The following NVL variants were observed in gnomAD, a reference collection of about 807,000 sequenced individuals.
NVL encodes the protein nuclear valosin-containing protein-like.
In NVL, 84 loss-of-function variants were observed where a neutral mutation model predicts 110.2. That is an observed-to-expected ratio of 0.76 (90% CI 0.64 to 0.91). The LOEUF is 0.91. Ranked by LOEUF, NVL falls within the 40% of genes least tolerant of loss-of-function variation. The pLI is 0.00. For missense variants in NVL, 882 were observed against 1,035.9 expected, an observed-to-expected ratio of 0.85 and a Z score of 2.04; for synonymous variants, 354 against 361.1, an observed-to-expected ratio of 0.98 and a Z score of 0.22.
chr1:224,302,866 T>G (rs1209542188), intron 9 of NVL: 10 of 285,474 alleles, frequency 3.5e-5, no homozygotes. Context: ...CCAGGCAACA[T>G]AGTGGGCTTC....
At chr1:224,254,506 C>T (rs1448023826) in intron 18 of NVL, among the ~76,000 whole-genome samples, 12 of 150,796 alleles carry the variant, frequency 8.0e-5, no homozygotes, top group Admixed American at 4.0e-4. Context: ...GATTCTCCTG[C>T]GTCAGCCTCC....
At chr1:224,258,245 AAAG>A (rs1197408081) in intron 18 of NVL, among the ~76,000 whole-genome samples, 5 of 152,206 alleles carry the variant, frequency 3.3e-5, no homozygotes, top group African/African-American at 1.2e-4. Flanking sequence ...ACATATCTCC[AAAG>A]AAGACATACA....
In NVL at chr1:224,305,150, G is replaced by C. The variant is rs1471505454; in HGVS notation, c.632C>G (p.Ser211Cys). 2.5e-6 allele frequency: 4 copies of C among 1,607,078 alleles called. 1 individual carries two copies. In the South Asian group the frequency reaches 4.5e-5, roughly 18 times the overall value. Reference sequence around the variant, plus strand: ...CCGTTTCATATCACTCTCCAAAAGAGAAGAATCTTTTGAATCCTGGAAAGA... The same window carrying C: ...CCGTTTCATATCACTCTCCAAAAGACAAGAATCTTTTGAATCCTGGAAAGA... ...ITEIQDSKDS[S>C]LLESDMKRKG... The change falls in exon 7 of 23, where the codon TCT becomes TGT. Residue 211 changes from serine to cysteine, a missense_variant. Physicochemically the swap from Ser to Cys is moderately radical, Grantham distance 112 (BLOSUM62 -1). This residue lies in a region of NVL where 274 missense variants were observed against 268.4 expected (regional missense o/e 1.02). Coordinates refer to ENST00000281701, the MANE Select transcript of NVL (RefSeq NM_002533.4).
chr1:224,273,072 C>G (rs1362688900), intron 17 of NVL, among the ~76,000 whole-genome samples: 1 of 144,552 alleles, frequency 6.9e-6, no homozygotes, highest in Non-Finnish European at 1.5e-5. Context: ...AAAAAAAACA[C>G]AACAAAAACA....
chr1:224,318,052 C>T (rs1418280871), intron 2 of NVL, 122 bp from the exon 3 acceptor site: 3 of 564,980 alleles, frequency 5.3e-6, no homozygotes, highest in South Asian at 3.2e-5. Flanking sequence ...TAGACACTTG[C>T]CATAACCCTA....
intron 17 of NVL, 126 bp downstream of exon 17, chr1:224,275,213 C>T: frequency 9.5e-7 from 1 of 1,057,262 alleles, no homozygotes; most frequent in South Asian, 1.5e-5. Flanking sequence ...TTTCAAATTA[C>T]TAAGTGTCTT....
chr1:224,235,142 T>A (rs1297223319), intron 20 of NVL, among the ~76,000 whole-genome samples: 2 of 151,924 alleles, frequency 1.3e-5, no homozygotes, highest in Admixed American at 1.3e-4. Context: ...CTCCTAAGCA[T>A]AAGGCCATTT....
At chr1:224,275,638 G>T (rs1002255455) in intron 16 of NVL, among the ~76,000 whole-genome samples, 180 bp from the exon 17 acceptor site, 2 of 152,116 alleles carry the variant, frequency 1.3e-5, no homozygotes, top group African/African-American at 4.8e-5. Context: ...ATAGCCAACT[G>T]CATATAGTTC....
intron 11 of NVL, among the ~76,000 whole-genome samples, chr1:224,296,072 G>A (rs892790692): frequency 2.0e-5 from 3 of 151,790 alleles, no homozygotes; most frequent in Non-Finnish European, 2.9e-5. Context: ...TCAAGGCTGC[G>A]GTGAGCTGTG....
intron 10 of NVL, among the ~76,000 whole-genome samples, chr1:224,300,222 GT>G (rs938209639): frequency 6.6e-6 from 1 of 151,936 alleles, no homozygotes. Flanking sequence ...TTGCTTACAA[GT>G]TTTTTTTGGC....
chr1:224,275,581 G>A (rs1260987015), intron 16 of NVL, 123 bp from the exon 17 acceptor site: 4 of 1,241,814 alleles, frequency 3.2e-6, no homozygotes, highest in Non-Finnish European at 4.6e-6. Flanking sequence ...GAAAGTATCA[G>A]AATGAACCAT....
At chr1:224,228,495 G>C (rs1558223272) in intron 22 of NVL, among the ~76,000 whole-genome samples, 2 of 151,360 alleles carry the variant, frequency 1.3e-5, no homozygotes, top group Non-Finnish European at 2.9e-5. Context: ...AGTAGAGATG[G>C]GGTTTCACCA....
rs575549968 is a variant in NVL at position 224,297,808 on chromosome 1, G to A, written c.1063-1190C>T. 1.9e-4 allele frequency: 29 copies of A among 152,970 alleles called. No individual in the cohort carries two copies. The South Asian group carries it at 5.9e-3, about 31-fold the overall frequency. 9.5% of individuals were successfully genotyped at this position (152,970 alleles called of 1,614,324 possible). ...CATGCCTGTAATCCCAGCACTTTGGGAGGCCAAGGCGGGTAGATCACCAGA... is the reference window on the plus strand; with the variant it reads ...CATGCCTGTAATCCCAGCACTTTGGAAGGCCAAGGCGGGTAGATCACCAGA... On this transcript the variant is annotated intron_variant, in intron 10 of 22. Coordinates refer to ENST00000281701, the MANE Select transcript of NVL (RefSeq NM_002533.4).
At chr1:224,230,594 ACT>A (rs1440944209) in intron 22 of NVL, among the ~76,000 whole-genome samples, 5 of 151,850 alleles carry the variant, frequency 3.3e-5, no homozygotes, top group Non-Finnish European at 5.9e-5. Flanking sequence ...ACAGAGCGAG[ACT>A]CTGTCTCAAA....
At chr1:224,285,211 C>T (rs555356609) in intron 15 of NVL, among the ~76,000 whole-genome samples, 9 of 152,074 alleles carry the variant, frequency 5.9e-5, no homozygotes, top group South Asian at 2.1e-4. Flanking sequence ...CCGAGATGGG[C>T]GGATCATGAG....
At chr1:224,313,771 G>A (rs952127592) in intron 4 of NVL, among the ~76,000 whole-genome samples, 1 of 152,206 alleles carries the variant, frequency 6.6e-6, no homozygotes, top group Non-Finnish European at 1.5e-5. Flanking sequence ...GGGAGGCCAA[G>A]GTGGGCGGAT....
At chr1:224,325,964 T>C (rs1671104273) in intron 2 of NVL, among the ~76,000 whole-genome samples, 1 of 152,072 alleles carries the variant, frequency 6.6e-6, no homozygotes, top group African/African-American at 2.4e-5. Flanking sequence ...TTTTTGTATA[T>C]TTTTTGTACA....
At chr1:224,301,063 G>T (rs959390018) in intron 9 of NVL, among the ~76,000 whole-genome samples, 2 of 150,426 alleles carry the variant, frequency 1.3e-5, no homozygotes, top group African/African-American at 4.9e-5. Flanking sequence ...CCGAGATCGC[G>T]CCATTGCACT....
intron 2 of NVL, among the ~76,000 whole-genome samples, chr1:224,319,391 T>C (rs2102776638): frequency 6.6e-6 from 1 of 151,656 alleles, no homozygotes; most frequent in African/African-American, 2.4e-5. Flanking sequence ...CACTGCAGAC[T>C]CCGCTTCCGG....
Sources: allele counts gnomAD v4.1 joint callset (sites outside exome capture counted in the v4.1 genomes callset), GRCh38; gene constraint gnomAD v4.1.1; regional missense constraint gnomAD v4.1.1; transcripts MANE v1.5; gene names NCBI Gene and HGNC (gene_info 2026-07-23, HGNC 2026-07-21).